The following SYNPO2 variants were observed in gnomAD, a reference collection of about 807,000 sequenced individuals.
SYNPO2 encodes synaptopodin 2, also known as synaptopodin-2.
SYNPO2 carries 56 observed loss-of-function variants against 85.0 expected under a neutral mutation model. The ratio of observed to expected loss-of-function variants is 0.66; its 90% CI spans 0.53 to 0.82. SYNPO2 has a LOEUF of 0.82. Among genes scored for constraint, SYNPO2 ranks in the 40% least tolerant of loss-of-function variants. SYNPO2 has a pLI of 0.00. For missense variants in SYNPO2, 1,575 were observed against 1,534.2 expected (o/e 1.03, Z -0.44); for synonymous variants, 602 against 591.1 (o/e 1.02, Z -0.27).
Position 119,057,908 on chromosome 4 carries a change from C to T in SYNPO2, c.3760C>T (p.Pro1254Ser). ...PVADYNYNPH[P>S]RGWRRQT ...AGCTGATTACAACTACAACCCACAC[C>T]CAAGGGGATGGAGACGCCAAACATG... Residue 1254 changes from proline (P) to serine (S), a missense_variant, in exon 5 of 5, where the codon CCA becomes TCA. By Grantham distance (74) the Pro-to-Ser change is moderately conservative. Around this residue, in one of 3 missense-constraint regions of SYNPO2, gnomAD observed 1,508 missense variants for 1,446.8 expected, o/e 1.04. Coordinates refer to ENST00000307142, the MANE Select transcript of SYNPO2 (RefSeq NM_133477.3). 1 of 1,613,410 alleles carries T rather than the reference C, an allele frequency of 6.2e-7. No homozygotes were observed.
intron 1 of SYNPO2, among the ~76,000 whole-genome samples, chr4:118,927,734 A>G (rs1733768694): frequency 3.5e-5 from 5 of 142,978 alleles, no homozygotes; most frequent in South Asian, 4.3e-4. Flanking sequence ...ATAGATAGAT[A>G]GATAGATAGA....
intron 4 of SYNPO2, among the ~76,000 whole-genome samples, chr4:119,056,513 T>C (rs759580916): frequency 1.3e-5 from 2 of 152,024 alleles, no homozygotes; most frequent in Non-Finnish European, 2.9e-5. Flanking sequence ...GCCATGATCA[T>C]GCTCTGCACT....
At chr4:118,921,064 A>G (rs1560865896) in intron 1 of SYNPO2, among the ~76,000 whole-genome samples, 1 of 151,940 alleles carries the variant, frequency 6.6e-6, no homozygotes, top group Non-Finnish European at 1.5e-5. Flanking sequence ...ATCAACACGC[A>G]TGGCTATTTT....
At chr4:118,869,764 C>A (rs1239586989) in intron 1 of SYNPO2, among the ~76,000 whole-genome samples, 1 of 152,174 alleles carries the variant, frequency 6.6e-6, no homozygotes, top group Non-Finnish European at 1.5e-5. Context: ...TTTTGAGCTC[C>A]TGGTGGGTTT....
In SYNPO2 at chr4:119,031,437, G is replaced by A; in HGVS notation, c.2662G>A (p.Val888Ile). The A allele has an allele frequency of 6.2e-7, 1 of 1,614,128 alleles. No individual in the cohort carries two copies. The highest frequency in any genetic ancestry group is 8.5e-7 in the Non-Finnish European group (1 of 1,180,036). The change falls in exon 4 of 5, where the codon GTC becomes ATC. Residue 888 changes from valine to isoleucine, a missense_variant. This residue lies in a region of SYNPO2 where 1,508 missense variants were observed against 1,446.8 expected (regional missense o/e 1.04). Transcript: ENST00000307142. ...KRQSRMEKYV[V>I]DSDTVQAHAA... ...GCAGTCGAGAATGGAGAAGTATGTG[G>A]TCGATTCAGACACGGTGCAGGCCCA...
chr4:118,879,395 T>C (rs1229790210), intron 1 of SYNPO2, among the ~76,000 whole-genome samples: 3 of 152,140 alleles, frequency 2.0e-5, no homozygotes, highest in African/African-American at 7.2e-5. Context: ...CAGTGTATAT[T>C]TGGAAGTGGG....
intron 1 of SYNPO2, among the ~76,000 whole-genome samples, chr4:118,959,013 A>T (rs1734976595): frequency 6.6e-6 from 1 of 152,192 alleles, no homozygotes; most frequent in South Asian, 2.1e-4. Flanking sequence ...CCTACATGGT[A>T]TATTTCTATT....
chr4:118,951,734 AT>A (rs1203155606), intron 1 of SYNPO2, among the ~76,000 whole-genome samples: 1 of 152,182 alleles, frequency 6.6e-6, no homozygotes, highest in East Asian at 1.9e-4. Flanking sequence ...CCAAACGTGA[AT>A]TTTTCATAAT....
Position 119,031,933 on chromosome 4 carries a change from T to C in SYNPO2, c.3158T>C (p.Ile1053Thr), listed in dbSNP as rs549199496. 1.3e-5 allele frequency: 21 copies of C among 1,614,220 alleles called. No homozygotes were observed. In the Admixed American group the frequency reaches 2.5e-4, roughly 19 times the overall value. ...AGTGCATCCCCAGTGCCTGTGGGCA[T>C]TCCCACCTCGCCAAAGCAAGAATCA... ...PVSASPVPVG[I>T]PTSPKQESAS... Residue 1053 changes from isoleucine (I) to threonine (T), a missense_variant, in exon 4 of 5, where the codon ATT (isoleucine) becomes ACT (threonine). Physicochemically the swap from Ile to Thr is moderately conservative, Grantham distance 89 (BLOSUM62 -1). Coordinates refer to ENST00000307142, the MANE Select transcript of SYNPO2 (RefSeq NM_133477.3).
chr4:118,989,001 C>CA (rs1463178607), intron 1 of SYNPO2, among the ~76,000 whole-genome samples: 5 of 151,882 alleles, frequency 3.3e-5, no homozygotes, highest in Non-Finnish European at 5.9e-5. Flanking sequence ...GTTAAAACAA[C>CA]AAAAAAAGAA....
Position 119,026,632 on chromosome 4 carries a change from C to A in SYNPO2, c.263C>A (p.Ser88Tyr). 6.3e-7 allele frequency: 1 copy of A among 1,599,552 alleles called. No individual in the cohort carries two copies. The highest frequency in any genetic ancestry group is 8.5e-7 in the Non-Finnish European group (1 of 1,173,266). Residue 88 changes from serine to tyrosine, a missense_variant, in exon 3 of 5, where the codon TCC becomes TAC. Coordinates refer to ENST00000307142, the MANE Select transcript of SYNPO2 (RefSeq NM_133477.3). ...DSLQMLIKRP[S>Y]SGISEALISE... is the part of the protein sequence containing the mutation. ...AATGATTTTTCTGTGTGCAGACCATCCAGTGGAATAAGTGAGGCTTTGATA... is the reference window on the plus strand; with the variant it reads ...AATGATTTTTCTGTGTGCAGACCATACAGTGGAATAAGTGAGGCTTTGATA...
At chr4:118,886,698 A>G (rs1732205098), upstream of SYNPO2, among the ~76,000 whole-genome samples, 1 of 152,150 alleles carries the variant, frequency 6.6e-6, no homozygotes, top group South Asian at 2.1e-4. Flanking sequence ...TATTGTAATT[A>G]GTGTCAAAGC....
intron 1 of SYNPO2, among the ~76,000 whole-genome samples, chr4:118,899,329 C>T (rs1255840671): frequency 6.6e-6 from 1 of 152,138 alleles, no homozygotes; most frequent in South Asian, 2.1e-4. Context: ...GTGAAATAAA[C>T]AATATTTTAA....
intron 1 of SYNPO2, among the ~76,000 whole-genome samples, chr4:118,989,165 C>T (rs750814405): frequency 6.6e-6 from 1 of 152,150 alleles, no homozygotes; most frequent in Non-Finnish European, 1.5e-5. Context: ...AGCTTGGTTC[C>T]GGCTGCACTC....
intron 1 of SYNPO2, among the ~76,000 whole-genome samples, chr4:118,896,417 C>G (rs1732552157): frequency 6.6e-6 from 1 of 152,084 alleles, no homozygotes; most frequent in African/African-American, 2.4e-5. Context: ...CGTGATGAAA[C>G]TGAATGCAGT....
chr4:118,941,543 C>T (rs952373704), intron 1 of SYNPO2, among the ~76,000 whole-genome samples: 2 of 152,150 alleles, frequency 1.3e-5, no homozygotes, highest in African/African-American at 2.4e-5. Flanking sequence ...TATACCAGGC[C>T]ATTTATACAT....
At chr4:118,979,263 C>T (rs1159548694) in intron 1 of SYNPO2, among the ~76,000 whole-genome samples, 2 of 152,180 alleles carry the variant, frequency 1.3e-5, no homozygotes, top group Non-Finnish European at 2.9e-5. Flanking sequence ...GCTATGCTTT[C>T]CTACTGCCGT....
chr4:118,970,181 A>G (rs545476939), intron 1 of SYNPO2, among the ~76,000 whole-genome samples: 4 of 152,326 alleles, frequency 2.6e-5, no homozygotes, highest in Admixed American at 1.3e-4. Flanking sequence ...TAAATTATCA[A>G]CAGATTTCAT....
At chr4:119,022,762 A>ATATTT (rs201911177) in intron 1 of SYNPO2, among the ~76,000 whole-genome samples, 1,199 of 109,808 alleles carry the variant, frequency 0.011, 8 homozygotes, top group Non-Finnish European at 0.014. Flanking sequence ...ATTTTATTTT[A>ATATTT]TATTTTATTT....
Sources: allele counts gnomAD v4.1 joint callset (sites outside exome capture counted in the v4.1 genomes callset), GRCh38; gene constraint gnomAD v4.1.1; regional missense constraint gnomAD v4.1.1; transcripts MANE v1.5; gene names NCBI Gene and HGNC (gene_info 2026-07-23, HGNC 2026-07-21).